XRCC4: variants seen among roughly 807,000 people sequenced by gnomAD.
XRCC4 encodes the protein X-ray repair cross complementing 4, also known as DNA repair protein XRCC4.
XRCC4 carries 28 observed loss-of-function variants against 39.1 expected under a neutral mutation model. The observed-to-expected ratio is 0.72, with a 90% CI of 0.53 to 0.98. The LOEUF is 0.98. Among genes scored for constraint, XRCC4 ranks in the 50% least tolerant of loss-of-function variants. The pLI, the probability that XRCC4 is intolerant of heterozygous loss-of-function variation, is 0.00. For synonymous variants in XRCC4, 123 were observed against 126.4 expected (o/e 0.97, Z 0.18); for missense variants, 350 against 376.4 (o/e 0.93, Z 0.58).
intron 6 of XRCC4, among the ~76,000 whole-genome samples, chr5:83,209,186 CTT>C (rs926007524): frequency 1.3e-5 from 2 of 151,762 alleles, no homozygotes; most frequent in Non-Finnish European, 2.9e-5. Context: ...ATAAGAAACT[CTT>C]TTTCTTTCCA....
At chr5:83,365,513 C>T in the XRCC4 span, among the ~76,000 whole-genome samples, 1 of 152,096 alleles carries the variant, frequency 6.6e-6, no homozygotes, top group Admixed American at 6.6e-5. Flanking sequence ...CATGGGAAAG[C>T]GTGATGTCTT....
chr5:83,344,519 C>T (rs1243565067), intron 7 of XRCC4, among the ~76,000 whole-genome samples: 1 of 151,482 alleles, frequency 6.6e-6, no homozygotes, highest in Non-Finnish European at 1.5e-5. Context: ...ATCCTCCCGC[C>T]TCAGCCTCCC....
intron 6 of XRCC4, among the ~76,000 whole-genome samples, chr5:83,247,639 T>C (rs900584058): frequency 1.3e-5 from 2 of 152,222 alleles, no homozygotes; most frequent in African/African-American, 4.8e-5. Flanking sequence ...TGAAGCTTTC[T>C]GTATTCATGA....
chr5:83,105,134 T>G (rs1208838531), intron 2 of XRCC4, 76 bp downstream of exon 2: 1 of 1,412,232 alleles, frequency 7.1e-7, no homozygotes, highest in Non-Finnish European at 9.6e-7. Context: ...ACTTTTCCAT[T>G]AGATATTGGG....
intron 1 of XRCC4, among the ~76,000 whole-genome samples, chr5:83,098,864 T>A (rs759156534): frequency 3.3e-5 from 5 of 152,162 alleles, no homozygotes. Flanking sequence ...AATCCTTTTC[T>A]TTGCACTTAG....
chr5:83,259,420 A>G (rs1229838353), intron 7 of XRCC4: 1 of 152,260 alleles, frequency 6.6e-6, no homozygotes, highest in Admixed American at 6.6e-5. Context: ...TGATTTTCAC[A>G]GGATGGAATG....
chr5:83,179,984 G>A (rs1750136104), intron 3 of XRCC4, among the ~76,000 whole-genome samples: 1 of 152,194 alleles, frequency 6.6e-6, no homozygotes, highest in Non-Finnish European at 1.5e-5. Context: ...TGTAAGAATA[G>A]TGGTGAAGGT....
intron 3 of XRCC4, among the ~76,000 whole-genome samples, chr5:83,160,665 CATGTTCATGTAGGAAGTTAGTTTTAG>C: frequency 6.6e-6 from 1 of 152,242 alleles, no homozygotes; most frequent in South Asian, 2.1e-4. Context: ...AATTAAGTAG[CATGTTCATGTAGGAAGTTAGTTTTAG>C]TTGCCTTTGG....
chr5:83,152,486 A>G (rs999289413), intron 3 of XRCC4, among the ~76,000 whole-genome samples: 4 of 152,060 alleles, frequency 2.6e-5, no homozygotes, highest in African/African-American at 9.7e-5. Flanking sequence ...TACAAAAATT[A>G]GCTGGGCTTG....
intron 3 of XRCC4, among the ~76,000 whole-genome samples, chr5:83,130,763 G>A (rs539924265): frequency 2.6e-5 from 4 of 152,284 alleles, no homozygotes; most frequent in East Asian, 1.9e-4. Context: ...GCGAAGAGGT[G>A]TTTATAGTAT....
At chr5:83,272,712 TG>T (rs1305212714) in intron 7 of XRCC4, among the ~76,000 whole-genome samples, 1 of 152,154 alleles carries the variant, frequency 6.6e-6, no homozygotes. Flanking sequence ...TTGCTGAAAA[TG>T]ATAGTGTCCA....
At chr5:83,337,082 C>T (rs1253047702) in intron 7 of XRCC4, among the ~76,000 whole-genome samples, 1 of 152,038 alleles carries the variant, frequency 6.6e-6, no homozygotes, top group East Asian at 1.9e-4. Context: ...GGATTTTATT[C>T]TGTGTAAATT....
At chr5:83,081,747 C>T (rs1479569) in intron 1 of XRCC4, among the ~76,000 whole-genome samples, 46,602 of 152,110 alleles carry the variant, frequency 0.31, 9,270 homozygotes, top group Non-Finnish European at 0.44. Context: ...CTTAACCTTT[C>T]TCCATTTTCA....
rs1751650969 is a variant in XRCC4, at chr5:83,211,659, G to A, written c.745+6738G>A. The stretch of plus-strand genomic sequence containing the variant: ...CAAAAGAAAAGAAACCTATTAGCTT[G>A]AGGTGTTTGTGCATTATTTCTATCA... On this transcript the variant is annotated intron_variant, in intron 6 of 7. Coordinates refer to ENST00000396027, the MANE Select transcript of XRCC4 (RefSeq NM_003401.5). 2.0e-5 allele frequency among the ~76,000 whole-genome samples: 3 copies of A among 152,190 alleles called. No individual in the cohort carries two copies. The South Asian group carries it at 6.2e-4, about 32-fold the overall frequency.
chr5:83,153,144 CT>C (rs1481672545), intron 3 of XRCC4, among the ~76,000 whole-genome samples: 1 of 151,766 alleles, frequency 6.6e-6, no homozygotes, highest in South Asian at 2.1e-4. Context: ...TTAGGACTGG[CT>C]TTTTTTCACT....
the XRCC4 span, among the ~76,000 whole-genome samples, chr5:83,371,235 T>C: frequency 6.6e-6 from 1 of 152,218 alleles, no homozygotes; most frequent in Non-Finnish European, 1.5e-5. Flanking sequence ...TTCAGAAACC[T>C]GTTACTGACT....
chr5:83,275,504 C>T (rs1203786566), intron 7 of XRCC4, among the ~76,000 whole-genome samples: 1 of 151,878 alleles, frequency 6.6e-6, no homozygotes, highest in Non-Finnish European at 1.5e-5. Context: ...ACCGTTTTAG[C>T]CGGGATGGTC....
chr5:83,271,658 A>T (rs1383051374), intron 7 of XRCC4, among the ~76,000 whole-genome samples: 1 of 152,196 alleles, frequency 6.6e-6, no homozygotes, highest in Non-Finnish European at 1.5e-5. Context: ...TATAAAATAG[A>T]GTCATGTTGA....
intron 3 of XRCC4, among the ~76,000 whole-genome samples, chr5:83,164,248 T>C (rs5000997): frequency 0.34 from 51,902 of 151,952 alleles, 9,516 homozygotes; most frequent in Non-Finnish European, 0.41. Context: ...TATAATGAAT[T>C]TATTCTATCA....
Sources: allele counts gnomAD v4.1 joint callset (sites outside exome capture counted in the v4.1 genomes callset), GRCh38; gene constraint gnomAD v4.1.1; transcripts MANE v1.5; gene names NCBI Gene and HGNC (gene_info 2026-07-23, HGNC 2026-07-21).